The following TCF12 variants were observed in gnomAD, a reference collection of about 807,000 sequenced individuals.
The protein encoded by TCF12 is transcription factor 12.
TCF12 carries 45 observed loss-of-function variants against 86.0 expected under a neutral mutation model. That is an observed-to-expected ratio of 0.52 (90% CI 0.41 to 0.67). The LOEUF (loss-of-function observed/expected upper bound fraction) is 0.67, where lower values mean the gene tolerates loss of function less well. Among genes scored for constraint, TCF12 ranks in the 30% least tolerant of loss-of-function variants. TCF12 has a pLI of 0.00. For synonymous variants in TCF12, 330 were observed against 299.6 expected (o/e 1.10, Z -1.05); for missense variants, 881 against 859.9 (o/e 1.02, Z -0.31).
chr15:57,190,574 T>G (rs1246579144), intron 6 of TCF12, among the ~76,000 whole-genome samples: 2 of 152,174 alleles, frequency 1.3e-5, no homozygotes, highest in Non-Finnish European at 2.9e-5. Flanking sequence ...TGAGGTCTTC[T>G]TTCCCTCTCC....
At chr15:57,200,082 G>C (rs2733306) in intron 8 of TCF12, among the ~76,000 whole-genome samples, 143,849 of 146,546 alleles carry the variant, frequency 0.98, 70,664 homozygotes, top group East Asian at 1. Flanking sequence ...GGAGGTCTCT[G>C]TCCAGGCCAG....
At chr15:57,130,529 G>C (rs1322966470) in intron 5 of TCF12, among the ~76,000 whole-genome samples, 1 of 152,140 alleles carries the variant, frequency 6.6e-6, no homozygotes, top group African/African-American at 2.4e-5. Context: ...TGCATTATCA[G>C]GGGACCAGCT....
chr15:57,000,589 C>T (rs2063968404), intron 3 of TCF12, among the ~76,000 whole-genome samples: 1 of 151,974 alleles, frequency 6.6e-6, no homozygotes, highest in African/African-American at 2.4e-5. Flanking sequence ...TAATGAAGTA[C>T]AAATTAAATC....
intron 19 of TCF12, chr15:57,281,556 C>G (rs1267578228): frequency 6.6e-6 from 1 of 152,298 alleles, no homozygotes. Flanking sequence ...AAAGCTTCAT[C>G]TGTATTTACC....
chr15:57,095,215 A>T (rs1158567027), intron 5 of TCF12, among the ~76,000 whole-genome samples: 5 of 152,174 alleles, frequency 3.3e-5, no homozygotes, highest in Non-Finnish European at 5.9e-5. Flanking sequence ...CTGTATGAAA[A>T]GCTTTGACCG....
At chr15:57,110,617 G>A (rs2050423277) in intron 5 of TCF12, among the ~76,000 whole-genome samples, 1 of 152,214 alleles carries the variant, frequency 6.6e-6, no homozygotes, top group Non-Finnish European at 1.5e-5. Context: ...TAATGCAAGA[G>A]TAGTAATGAA....
At chr15:56,970,479 C>CAAAAAAAAAAAA (rs59118732) in intron 3 of TCF12, among the ~76,000 whole-genome samples, 1 of 65,476 alleles carries the variant, frequency 1.5e-5, no homozygotes, top group African/African-American at 6.1e-5. Context: ...GACTCCATCT[C>CAAAAAAAAAAAA]AAAAAAAAAA....
intron 14 of TCF12, chr15:57,252,132 A>G (rs1432054527): frequency 2.3e-5 from 7 of 301,952 alleles, no homozygotes; most frequent in African/African-American, 1.5e-4. Context: ...CCAGGTTGCA[A>G]AGAGAAACAT....
At chr15:57,077,261 C>G (rs2070153954) in intron 4 of TCF12, among the ~76,000 whole-genome samples, 1 of 149,948 alleles carries the variant, frequency 6.7e-6, no homozygotes, top group Non-Finnish European at 1.5e-5. Context: ...AGTGTGGAGG[C>G]TTTTGATTCA....
At chr15:57,270,328 C>G (rs1289026418) in intron 18 of TCF12, among the ~76,000 whole-genome samples, 12 of 152,136 alleles carry the variant, frequency 7.9e-5, no homozygotes, top group Non-Finnish European at 1.8e-4. Flanking sequence ...CACTGATATC[C>G]TTTCCTCTGC....
At chr15:56,931,008 A>G (rs1246685059) in intron 3 of TCF12, among the ~76,000 whole-genome samples, 1 of 151,986 alleles carries the variant, frequency 6.6e-6, no homozygotes, top group Non-Finnish European at 1.5e-5. Context: ...ACCTGGCCCC[A>G]TGGATTTTAG....
At chr15:57,173,873 A>G (rs1391770310) in intron 6 of TCF12, among the ~76,000 whole-genome samples, 1 of 151,880 alleles carries the variant, frequency 6.6e-6, no homozygotes, top group South Asian at 2.1e-4. Flanking sequence ...ACGCCTGGCT[A>G]ATTTTTGTAT....
chr15:56,979,129 T>A (rs1455403405), intron 3 of TCF12, among the ~76,000 whole-genome samples: 1 of 152,204 alleles, frequency 6.6e-6, no homozygotes, highest in Non-Finnish European at 1.5e-5. Flanking sequence ...TTACTTTGAC[T>A]CATACCTTTG....
At chr15:57,148,268 T>G (rs1286194840) in intron 5 of TCF12, among the ~76,000 whole-genome samples, 2 of 151,796 alleles carry the variant, frequency 1.3e-5, no homozygotes, top group Non-Finnish European at 2.9e-5. Context: ...CAGAGAACCC[T>G]TCTCTGAGGA....
chr15:57,219,391 TAA>T (rs1289393327), intron 8 of TCF12: 55 of 1,331,736 alleles, frequency 4.1e-5, no homozygotes, highest in Non-Finnish European at 5.4e-5. Flanking sequence ...CTATTTTGCA[TAA>T]GTTCCTTTTG....
chr15:57,242,668 A>G (rs1346867523), intron 12 of TCF12, among the ~76,000 whole-genome samples: 1 of 152,180 alleles, frequency 6.6e-6, no homozygotes, highest in Non-Finnish European at 1.5e-5. Flanking sequence ...ACTTCATCTC[A>G]AAAAAAGTGT....
At chr15:56,923,872 G>A (rs2059897140) in intron 3 of TCF12, among the ~76,000 whole-genome samples, 1 of 151,962 alleles carries the variant, frequency 6.6e-6, no homozygotes, top group African/African-American at 2.4e-5. Context: ...ATTAAGTAAA[G>A]CTTCACTTTT....
At chr15:57,030,976 A>G (rs2066141146) in intron 3 of TCF12, among the ~76,000 whole-genome samples, 1 of 152,246 alleles carries the variant, frequency 6.6e-6, no homozygotes, top group South Asian at 2.1e-4. Flanking sequence ...AGGATTATAT[A>G]GTTGATGCCA....
At chr15:56,949,857 A>G (rs2061185046) in intron 3 of TCF12, among the ~76,000 whole-genome samples, 1 of 152,092 alleles carries the variant, frequency 6.6e-6, no homozygotes, top group Non-Finnish European at 1.5e-5. Context: ...GTGTCTAGAG[A>G]ATTGGTGCAT....
Sources: gnomAD v4.1 joint callset for allele counts (sites outside exome capture counted in the v4.1 genomes callset) on GRCh38, gnomAD v4.1.1 for gene constraint, MANE v1.5 for transcripts, NCBI Gene and HGNC (gene_info 2026-07-23, HGNC 2026-07-21) for gene names.